Variants in DHX15 observed in about 807,000 individuals in gnomAD.
The protein encoded by DHX15 is DEAH-box helicase 15, also known as ATP-dependent RNA helicase DHX15.
In DHX15, 11 loss-of-function variants were observed where a neutral mutation model predicts 94.4. The observed-to-expected ratio is 0.12, with a 90% confidence interval of 0.07 to 0.19. The LOEUF (loss-of-function observed/expected upper bound fraction) is 0.19. Ranked by LOEUF, DHX15 falls within the 10% of genes least tolerant of loss-of-function variation. The pLI, the probability that DHX15 is intolerant of heterozygous loss-of-function variation, is 1.00. For synonymous variants in DHX15, 338 were observed against 329.9 expected (o/e 1.02, Z -0.27); for missense variants, 304 against 988.5 (o/e 0.31, Z 9.29).
intron 3 of DHX15, among the ~76,000 whole-genome samples, chr4:24,561,320 A>G (rs1488986735): frequency 6.6e-6 from 1 of 152,206 alleles, no homozygotes; most frequent in East Asian, 1.9e-4. Flanking sequence ...TCAAAAAATA[A>G]CAAGGTTGTA....
chr4:24,584,479 G>T lies in DHX15; in HGVS notation c.-86C>A. 1 of 1,316,506 alleles carries T rather than the reference G, an allele frequency of 7.6e-7. No individual in the cohort carries two copies. Among genetic ancestry groups the T allele is most frequent in the South Asian group, 1.3e-5 (1 of 76,978 alleles). The allele number at this position is 1,316,506 out of a possible 1,614,324, so 81.6% of individuals were successfully genotyped here. A position where few individuals can be genotyped will look rare whatever the true frequency, so the allele number is the denominator to read the frequency against. On this transcript the variant is annotated 5_prime_UTR_variant, in exon 1 of 14. Coordinates refer to ENST00000336812, the MANE Select transcript of DHX15 (RefSeq NM_001358.3). ...TCGAGGACAGCCACTTAACTCTGGAGGACCCCCACCCCTCCCGCTACTACA... is the reference window on the plus strand; with the variant it reads ...TCGAGGACAGCCACTTAACTCTGGATGACCCCCACCCCTCCCGCTACTACA...
intron 4 of DHX15, among the ~76,000 whole-genome samples, chr4:24,555,389 G>T (rs957245918): frequency 6.6e-6 from 1 of 151,518 alleles, no homozygotes; most frequent in South Asian, 2.1e-4. Flanking sequence ...CTACTTTCAG[G>T]TTCTCACTAA....
In DHX15 at chr4:24,541,028, C is replaced by T. The variant is rs79237380; in HGVS notation, c.1486-80G>A. The T allele has an allele frequency of 2.5e-3, 1,858 of 742,868 alleles. 14 individuals carry two copies. Among genetic ancestry groups the T allele is most frequent in the Non-Finnish European group, 2.1e-3 (905 of 437,746 alleles). 46.0% of individuals were successfully genotyped at this position (742,868 alleles called of 1,614,324 possible). ...GTTCCAGAAAACAAAAATCTGCTGC[C>T]TCCTGAGCTATTTGTTTTGGCATTA... On this transcript the variant is annotated intron_variant, in intron 8 of 13. Coordinates refer to ENST00000336812, the MANE Select transcript of DHX15 (RefSeq NM_001358.3).
chr4:24,567,265 G>A (rs528552480), intron 3 of DHX15, among the ~76,000 whole-genome samples: 5 of 152,248 alleles, frequency 3.3e-5, no homozygotes, highest in Admixed American at 3.3e-4. Context: ...AAAACTGAAG[G>A]TGATTTCCTG....
At chr4:24,571,214 G>A (rs1722116199) in intron 2 of DHX15, among the ~76,000 whole-genome samples, 1 of 152,178 alleles carries the variant, frequency 6.6e-6, no homozygotes. Flanking sequence ...AATTTGAGTT[G>A]CAAAATCAAG....
intron 3 of DHX15, among the ~76,000 whole-genome samples, chr4:24,567,312 C>T (rs926111171): frequency 4.6e-5 from 7 of 152,308 alleles, no homozygotes; most frequent in South Asian, 4.1e-4. Context: ...GGCGTGGTGG[C>T]GGCTGCCTGT....
chr4:24,545,412 TAAC>T (rs1287879767), intron 6 of DHX15, among the ~76,000 whole-genome samples: 1 of 152,230 alleles, frequency 6.6e-6, no homozygotes, highest in African/African-American at 2.4e-5. Context: ...CTGTAATACT[TAAC>T]AATTCGCGGA....
intron 1 of DHX15, among the ~76,000 whole-genome samples, chr4:24,583,585 G>A (rs781653775): frequency 9.9e-5 from 15 of 152,098 alleles, no homozygotes; most frequent in Non-Finnish European, 1.5e-4. Context: ...GAGAGCGGAA[G>A]TTTGCTAGTA....
chr4:24,557,599 T>C (rs1205798510), intron 3 of DHX15, among the ~76,000 whole-genome samples: 1 of 152,208 alleles, frequency 6.6e-6, no homozygotes, highest in Non-Finnish European at 1.5e-5. Flanking sequence ...CTTAACTCAT[T>C]TATATGCTTT....
At chr4:24,563,918 T>A (rs2109005419) in intron 3 of DHX15, among the ~76,000 whole-genome samples, 1 of 151,832 alleles carries the variant, frequency 6.6e-6, no homozygotes, top group East Asian at 1.9e-4. Flanking sequence ...CAAAAAAAAA[T>A]TAGCCGGGCG....
chr4:24,535,237 G>A (rs1014539330), intron 11 of DHX15, among the ~76,000 whole-genome samples: 1 of 152,010 alleles, frequency 6.6e-6, no homozygotes, highest in African/African-American at 2.4e-5. Flanking sequence ...ATACTTGTCC[G>A]TTTTTCTATT....
Position 24,548,874 on chromosome 4 carries a change from T to C in DHX15, c.1229A>G (p.Asn410Ser), listed in dbSNP as rs141711683. 12 of 1,613,010 alleles carry C rather than the reference T, an allele frequency of 7.4e-6. No individual in the cohort carries two copies. Among genetic ancestry groups the C allele is most frequent in the African/African-American group, 2.7e-5 (2 of 74,894 alleles). The stretch of plus-strand genomic sequence containing the variant: ...TGTTACCTTTCTTCCAATTGCTCCA[T>C]TCTGTTTTTTGGGAGGTGGAGGCTC... ...IFEPPPPKKQ[N>S]GAIGRKVVVS... The change falls in exon 6 of 14, where the codon AAT (asparagine) becomes AGT (serine). Residue 410 changes from asparagine to serine, a missense_variant. Physicochemically the swap from Asn to Ser is conservative, Grantham distance 46. This residue lies in a region of DHX15 where 40 missense variants were observed against 107.1 expected (regional missense o/e 0.37). Coordinates refer to ENST00000336812, the MANE Select transcript of DHX15 (RefSeq NM_001358.3).
chr4:24,542,049 T>G, intron 7 of DHX15, 27 bp from the exon 8 acceptor site: 2 of 1,550,276 alleles, frequency 1.3e-6, no homozygotes, highest in Non-Finnish European at 1.8e-6. Flanking sequence ...AACACAAGAG[T>G]CTTTCTTCAG....
chr4:24,573,327 G>T (rs1205716895), intron 2 of DHX15, among the ~76,000 whole-genome samples: 1 of 152,112 alleles, frequency 6.6e-6, no homozygotes, highest in Non-Finnish European at 1.5e-5. Context: ...AATATCCTGT[G>T]AAGTCTTATA....
At chr4:24,532,761 C>G (rs1357112909) in intron 12 of DHX15, 103 bp downstream of exon 12, 1 of 814,572 alleles carries the variant, frequency 1.2e-6, no homozygotes, top group Non-Finnish European at 1.9e-6. Context: ...TTTTTATGAG[C>G]ATGCACAAAC....
rs186418977 is a variant in DHX15 at position 24,534,757 on chromosome 4, A to G, written c.1910-1703T>C. ...ATTGACATGACATTTTAGCTTCACT[A>G]TGTAATCAACTATTGTCTCTAATGC... On this transcript the variant is annotated intron_variant, in intron 11 of 13. Coordinates refer to ENST00000336812, the MANE Select transcript of DHX15 (RefSeq NM_001358.3). 5.1e-4 allele frequency among the ~76,000 whole-genome samples: 77 copies of G among 152,248 alleles called. 1 individual carries two copies. The East Asian group carries it at 0.013, about 26-fold the overall frequency.
chr4:24,574,838 T>C (rs1722213193), intron 2 of DHX15, among the ~76,000 whole-genome samples: 1 of 152,208 alleles, frequency 6.6e-6, no homozygotes, highest in South Asian at 2.1e-4. Flanking sequence ...TTACAGTCTT[T>C]CTTGTAGTTT....
chr4:24,565,457 TGAACTA>T (rs1483702736), intron 3 of DHX15, among the ~76,000 whole-genome samples: 1 of 152,234 alleles, frequency 6.6e-6, no homozygotes, highest in Non-Finnish European at 1.5e-5. Flanking sequence ...GTGCTACACA[TGAACTA>T]GAACCAAGAC....
At chr4:24,581,677 C>T (rs1355670260) in intron 1 of DHX15, among the ~76,000 whole-genome samples, 1 of 151,574 alleles carries the variant, frequency 6.6e-6, no homozygotes, top group East Asian at 2.0e-4. Context: ...TTTACTTTCC[C>T]ATAATTAACA....
Sources: gnomAD v4.1 joint callset for allele counts (sites outside exome capture counted in the v4.1 genomes callset) on GRCh38, gnomAD v4.1.1 for gene constraint, gnomAD v4.1.1 regional missense constraint, MANE v1.5 for transcripts, NCBI Gene and HGNC (gene_info 2026-07-23, HGNC 2026-07-21) for gene names.